CHN1: variants seen among roughly 807,000 people sequenced by gnomAD.
The protein encoded by CHN1 is chimerin 1.
Under a neutral mutation model 59.5 loss-of-function variants are expected in CHN1, and 37 were observed. The observed-to-expected ratio is 0.62, with a 90% CI of 0.48 to 0.82. The LOEUF (loss-of-function observed/expected upper bound fraction) is 0.82, where lower values mean the gene tolerates loss of function less well. Among genes scored for constraint, CHN1 ranks in the 40% least tolerant of loss-of-function variants. The pLI, the probability that CHN1 is intolerant of heterozygous loss-of-function variation, is 0.00. For missense variants in CHN1, 469 were observed against 571.0 expected, an observed-to-expected ratio of 0.82 and a Z score of 1.82; for synonymous variants, 206 against 200.4, an observed-to-expected ratio of 1.03 and a Z score of -0.24.
intron 7 of CHN1, among the ~76,000 whole-genome samples, chr2:174,838,872 G>T (rs887439197): frequency 6.6e-6 from 1 of 151,934 alleles, no homozygotes; most frequent in African/African-American, 2.4e-5. Flanking sequence ...AAAATGTGGT[G>T]TGTGTTTGGT....
chr2:174,936,412 TTAGA>T (rs1689497486), intron 3 of CHN1, among the ~76,000 whole-genome samples: 1 of 152,158 alleles, frequency 6.6e-6, no homozygotes, highest in African/African-American at 2.4e-5. Flanking sequence ...TCTATCTGAA[TTAGA>T]TAGATTTTAT....
chr2:174,917,106 C>T (rs964054233), intron 4 of CHN1, among the ~76,000 whole-genome samples: 2 of 152,014 alleles, frequency 1.3e-5, no homozygotes, highest in Non-Finnish European at 2.9e-5. Context: ...GGTGGGAGAA[C>T]TGCCTGAACC....
chr2:174,939,297 T>C (rs1689589057), intron 3 of CHN1, among the ~76,000 whole-genome samples: 1 of 152,220 alleles, frequency 6.6e-6, no homozygotes, highest in East Asian at 1.9e-4. Context: ...GTTCCATTGA[T>C]TTATCGTACC....
At chr2:174,806,617 T>C (rs928246427) in intron 11 of CHN1, among the ~76,000 whole-genome samples, 8 of 152,268 alleles carry the variant, frequency 5.3e-5, no homozygotes, top group East Asian at 1.9e-4. Context: ...GTGAATGCCA[T>C]TGCCGCCGCC....
intron 3 of CHN1, among the ~76,000 whole-genome samples, chr2:174,934,996 T>G (rs975266569): frequency 3.3e-5 from 5 of 152,244 alleles, no homozygotes; most frequent in Non-Finnish European, 7.3e-5. Context: ...CAGCCAGTTG[T>G]TCTTCCTAAG....
chr2:174,906,486 T>C (rs569119317), intron 5 of CHN1, among the ~76,000 whole-genome samples: 1 of 152,138 alleles, frequency 6.6e-6, no homozygotes, highest in Non-Finnish European at 1.5e-5. Context: ...GATGTAGAGG[T>C]TCTTTTCAGG....
chr2:174,840,649 AG>A (rs375755481), intron 7 of CHN1, among the ~76,000 whole-genome samples: 9 of 152,310 alleles, frequency 5.9e-5, no homozygotes, highest in African/African-American at 2.2e-4. Flanking sequence ...ATGAGCAAGG[AG>A]GAAACGGAGC....
chr2:174,922,062 T>C (rs1689032511), intron 3 of CHN1, among the ~76,000 whole-genome samples: 1 of 152,204 alleles, frequency 6.6e-6, no homozygotes, highest in Non-Finnish European at 1.5e-5. Flanking sequence ...ATTTCTCTGC[T>C]TATAAAACTC....
intron 1 of CHN1, among the ~76,000 whole-genome samples, chr2:174,994,694 T>C (rs1691650093): frequency 6.6e-6 from 1 of 152,074 alleles, no homozygotes; most frequent in South Asian, 2.1e-4. Context: ...GCAAGATGTG[T>C]AGAGGTGAGG....
intron 1 of CHN1, among the ~76,000 whole-genome samples, chr2:174,963,576 A>G (rs185798253): frequency 9.8e-5 from 15 of 152,356 alleles, no homozygotes; most frequent in Admixed American, 4.6e-4. Context: ...GCTGAAATAA[A>G]GATATACTGA....
At chr2:174,842,210 C>T (rs1292403743) in intron 7 of CHN1, among the ~76,000 whole-genome samples, 3 of 151,916 alleles carry the variant, frequency 2.0e-5, no homozygotes, top group Admixed American at 1.3e-4. Flanking sequence ...TACTAGACAT[C>T]GGGAAAGGGC....
chr2:174,802,172 G>A (rs1684744757), intron 11 of CHN1: 1 of 245,924 alleles, frequency 4.1e-6, no homozygotes, highest in South Asian at 5.4e-5. Context: ...CAAATGAAGT[G>A]ACCTTAGAAT....
chr2:174,830,065 C>T (rs970764401), intron 7 of CHN1, among the ~76,000 whole-genome samples: 1 of 152,024 alleles, frequency 6.6e-6, no homozygotes, highest in African/African-American at 2.4e-5. Flanking sequence ...AACCCCATCT[C>T]TACTAAAAAT....
chr2:174,918,960 ATTCAGTTAGCAT>A (rs1344537778), intron 3 of CHN1, among the ~76,000 whole-genome samples: 1 of 151,588 alleles, frequency 6.6e-6, no homozygotes, highest in Non-Finnish European at 1.5e-5. Context: ...CAGACTCTCC[ATTCAGTTAGCAT>A]TTCCATATAC....
intron 5 of CHN1, among the ~76,000 whole-genome samples, chr2:174,908,416 C>T (rs1299083039): frequency 6.6e-6 from 1 of 152,160 alleles, no homozygotes; most frequent in Non-Finnish European, 1.5e-5. Context: ...ACCCTATTGT[C>T]TTCTACTAAA....
At position 174,952,284 on chromosome 2, in the gene CHN1, A is replaced by G. The variant is rs1007041883; in HGVS notation, c.20-82T>C. 1.1e-5 allele frequency: 9 copies of G among 855,962 alleles called. No homozygotes were observed. The African/African-American group carries it at 1.1e-4, about 10-fold the overall frequency. The allele number at this position is 855,962 out of a possible 1,614,324, so 53.0% of individuals were successfully genotyped here. On this transcript the variant is annotated intron_variant, in intron 1 of 12. Transcript: ENST00000409900. Reference sequence around the variant, plus strand: ...TTTTAATCATTAACTCATTTAATATATATCTGTTGAGATCTATTTGTTCTA... The same window carrying G: ...TTTTAATCATTAACTCATTTAATATGTATCTGTTGAGATCTATTTGTTCTA...
chr2:174,898,463 G>T (rs1688286229), intron 5 of CHN1, among the ~76,000 whole-genome samples: 1 of 151,638 alleles, frequency 6.6e-6, no homozygotes, highest in East Asian at 1.9e-4. Flanking sequence ...AAATAGCTGG[G>T]CTTGGTGGCG....
At chr2:174,895,176 G>A (rs575718119) in intron 5 of CHN1, among the ~76,000 whole-genome samples, 2 of 137,916 alleles carry the variant, frequency 1.5e-5, no homozygotes, top group African/African-American at 5.5e-5. Flanking sequence ...TTATATATAG[G>A]AGTATATATA....
At chr2:174,887,880 A>G (rs1558968185) in intron 5 of CHN1, among the ~76,000 whole-genome samples, 1 of 152,218 alleles carries the variant, frequency 6.6e-6, no homozygotes, top group African/African-American at 2.4e-5. Flanking sequence ...ATTCTACTAA[A>G]TAAGCCCAGT....
Sources: gnomAD v4.1 joint callset for allele counts (sites outside exome capture counted in the v4.1 genomes callset) on GRCh38, gnomAD v4.1.1 for gene constraint, MANE v1.5 for transcripts, NCBI Gene and HGNC (gene_info 2026-07-23, HGNC 2026-07-21) for gene names.